MTUS1: variants seen among roughly 807,000 people sequenced by gnomAD.
MTUS1 encodes microtubule-associated tumor suppressor 1.
MTUS1 carries 109 observed loss-of-function variants against 120.8 expected under a neutral mutation model. That is an observed-to-expected ratio of 0.90 (90% CI 0.77 to 1.06). The LOEUF is 1.06. MTUS1 is among the 50% of genes least tolerant of loss of function. The pLI is 0.00. For missense variants in MTUS1, 2,210 were observed against 1,486.3 expected, an observed-to-expected ratio of 1.49 and a Z score of -8.01; for synonymous variants, 737 against 550.5, an observed-to-expected ratio of 1.34 and a Z score of -4.74.
chr8:17,645,924 T>A lies in MTUS1; in HGVS notation c.*2A>T. The A allele has an allele frequency of 6.2e-7, 1 of 1,609,908 alleles. No homozygotes were observed. Among genetic ancestry groups the A allele is most frequent in the Non-Finnish European group, 8.5e-7 (1 of 1,179,104 alleles). ...AGAGAGTCTGTGGACTTTGGGGAGG[T>A]GTCATCTGGGTGAAATGCTGGGGCT... On this transcript the variant is annotated 3_prime_UTR_variant, in exon 15 of 15. Coordinates refer to ENST00000693296, the MANE Select transcript of MTUS1 (RefSeq NM_001363059.2).
At chr8:17,670,421 G>A (rs533291034) in intron 8 of MTUS1, among the ~76,000 whole-genome samples, 18 of 152,284 alleles carry the variant, frequency 1.2e-4, no homozygotes, top group South Asian at 6.2e-4. Flanking sequence ...GTAAGTGAAC[G>A]TATGGGACAG....
At chr8:17,647,630 C>A (rs989221656) in intron 13 of MTUS1, among the ~76,000 whole-genome samples, 3 of 152,156 alleles carry the variant, frequency 2.0e-5, no homozygotes, top group Non-Finnish European at 2.9e-5. Context: ...AGCATGCCAT[C>A]AAAGAAGTAA....
intron 1 of MTUS1, among the ~76,000 whole-genome samples, chr8:17,757,864 G>A (rs529700814): frequency 2.0e-5 from 3 of 152,082 alleles, no homozygotes; most frequent in African/African-American, 7.2e-5. Flanking sequence ...TATGCTTTTG[G>A]TCAAACTGCA....
chr8:17,701,831 G>A (rs1419970258), intron 6 of MTUS1, among the ~76,000 whole-genome samples: 2 of 152,122 alleles, frequency 1.3e-5, no homozygotes, highest in Non-Finnish European at 2.9e-5. Flanking sequence ...TTACAAGCGT[G>A]AGCCACCGCA....
At chr8:17,648,464 C>G (rs982108459) in intron 13 of MTUS1, among the ~76,000 whole-genome samples, 1 of 152,146 alleles carries the variant, frequency 6.6e-6, no homozygotes, top group Non-Finnish European at 1.5e-5. Context: ...ATGGAGCAGT[C>G]CTATTAACAG....
intron 1 of MTUS1, among the ~76,000 whole-genome samples, chr8:17,796,709 T>C (rs554257180): frequency 1.1e-4 from 17 of 152,318 alleles, no homozygotes; most frequent in South Asian, 8.3e-4. Context: ...AATTGCCCCA[T>C]ATCCAAGAGT....
chr8:17,696,708 CT>C (rs1297964785), intron 6 of MTUS1, among the ~76,000 whole-genome samples: 1 of 152,186 alleles, frequency 6.6e-6, no homozygotes, highest in Non-Finnish European at 1.5e-5. Flanking sequence ...ACTGCACACA[CT>C]TTTATTATGA....
chr8:17,647,702 G>A (rs1806120011), intron 13 of MTUS1, among the ~76,000 whole-genome samples: 1 of 152,200 alleles, frequency 6.6e-6, no homozygotes, highest in African/African-American at 2.4e-5. Flanking sequence ...GCTGCCCTGT[G>A]CAGGCTGAAC....
chr8:17,658,960 T>C (rs1024154739), intron 8 of MTUS1, among the ~76,000 whole-genome samples: 2 of 99,212 alleles, frequency 2.0e-5, no homozygotes, highest in Admixed American at 2.1e-4. Context: ...AGGGCAAAGA[T>C]TTAACATTAA....
In MTUS1 at chr8:17,684,354, C is replaced by T. The variant is rs1585673147; in HGVS notation, c.2812G>A (p.Val938Ile). The change falls in exon 7 of 15, where the codon GTT becomes ATT. Residue 938 changes from valine to isoleucine, a missense_variant. Physicochemically the swap from Val to Ile is conservative, Grantham distance 29. Coordinates refer to ENST00000693296, the MANE Select transcript of MTUS1 (RefSeq NM_001363059.2). ...CGNTKFEALT[V>I]VIQHLLSERE... The stretch of plus-strand genomic sequence containing the variant: ...TCAGACAGCAGGTGCTGAATCACAA[C>T]TGTCAATGCCTCAAACTTGGTATTA... The T allele has an allele frequency of 3.1e-6, 5 of 1,614,156 alleles. 1 individual carries two copies. Among genetic ancestry groups the T allele is most frequent in the Middle Eastern group, 1.6e-4 (1 of 6,062 alleles).
In MTUS1 at chr8:17,755,588, G is replaced by A. The variant is rs574492685; in HGVS notation, c.220C>T (p.Leu74Phe). ...VVTGENISLS[L>F]QGVEVFGHEK... The stretch of plus-strand genomic sequence containing the variant: ...TGACCAAATACTTCAACACCCTGAA[G>A]GCTTAAAGAAATATTTTCACCAGTA... The change falls in exon 2 of 15, where the codon CTT becomes TTT. Residue 74 changes from leucine to phenylalanine, a missense_variant. Leu to Phe is a conservative substitution (Grantham distance 22). Coordinates refer to ENST00000693296, the MANE Select transcript of MTUS1 (RefSeq NM_001363059.2). 2.5e-6 allele frequency: 4 copies of A among 1,614,136 alleles called. No individual in the cohort carries two copies. Among genetic ancestry groups the A allele is most frequent in the East Asian group, 2.2e-5 (1 of 44,880 alleles).
In MTUS1 at chr8:17,755,925, T is replaced by C. The variant is rs1451328952; in HGVS notation, c.-118A>G. 3 of 1,451,472 alleles carry C rather than the reference T, an allele frequency of 2.1e-6. No individual in the cohort carries two copies. The East Asian group carries it at 7.2e-5, about 35-fold the overall frequency. The allele number at this position is 1,451,472 out of a possible 1,614,324, so 89.9% of individuals were successfully genotyped here. A position where few individuals can be genotyped will look rare whatever the true frequency, so the allele number is the denominator to read the frequency against. The stretch of plus-strand genomic sequence containing the variant: ...TTCAGCACAGTTGAAAGGTTTTCAG[T>C]CTAAGATGCTCTGAAGATTAAATGA... On this transcript the variant is annotated 5_prime_UTR_variant, in exon 2 of 15. Coordinates refer to ENST00000693296, the MANE Select transcript of MTUS1 (RefSeq NM_001363059.2).
chr8:17,708,267 G>A (rs1203337857), intron 6 of MTUS1, among the ~76,000 whole-genome samples: 3 of 152,136 alleles, frequency 2.0e-5, no homozygotes, highest in African/African-American at 7.2e-5. Context: ...CAATAAAAAT[G>A]ACCCAGTTTA....
At chr8:17,665,070 CT>C (rs1810609331) in intron 8 of MTUS1, among the ~76,000 whole-genome samples, 1 of 152,190 alleles carries the variant, frequency 6.6e-6, no homozygotes, top group Non-Finnish European at 1.5e-5. Context: ...TACTCTTATG[CT>C]TTGTAGAAAG....
intron 6 of MTUS1, 142 bp from the exon 7 acceptor site, chr8:17,684,684 T>A: frequency 1.5e-6 from 1 of 672,384 alleles, no homozygotes; most frequent in Non-Finnish European, 2.6e-6. Flanking sequence ...GGATGAGAAC[T>A]GGAATGAATC....
chr8:17,684,033 T>C (rs1815193293), intron 7 of MTUS1, among the ~76,000 whole-genome samples: 1 of 152,172 alleles, frequency 6.6e-6, no homozygotes. Flanking sequence ...AAAATGCTAA[T>C]GCTAGTTTAG....
intron 6 of MTUS1, chr8:17,697,254 G>C (rs369222792): frequency 3.7e-6 from 6 of 1,613,270 alleles, no homozygotes; most frequent in Admixed American, 1.7e-5. Context: ...ATGCGAGACA[G>C]ACCTGTGTGG....
intron 6 of MTUS1, among the ~76,000 whole-genome samples, chr8:17,711,439 C>G (rs1387690275): frequency 6.7e-6 from 1 of 148,630 alleles, no homozygotes; most frequent in African/African-American, 2.5e-5. Context: ...GAACCAACCT[C>G]TGCTAGCTTC....
intron 1 of MTUS1, among the ~76,000 whole-genome samples, chr8:17,799,467 T>C (rs2052508713): frequency 2.0e-5 from 3 of 152,148 alleles, no homozygotes; most frequent in African/African-American, 4.8e-5. Flanking sequence ...GTGATTATCT[T>C]TGCTGAAATT....
Sources: allele counts gnomAD v4.1 joint callset (sites outside exome capture counted in the v4.1 genomes callset), GRCh38; gene constraint gnomAD v4.1.1; transcripts MANE v1.5; gene names NCBI Gene and HGNC (gene_info 2026-07-23, HGNC 2026-07-21).